WDPCP: variants seen among roughly 807,000 people sequenced by gnomAD.
WDPCP encodes the protein WD repeat containing planar cell polarity effector, also known as WD repeat-containing and planar cell polarity effector protein fritz homolog.
In WDPCP, 71 loss-of-function variants were observed where a neutral mutation model predicts 93.1. The ratio of observed to expected loss-of-function variants is 0.76; its 90% confidence interval spans 0.63 to 0.93. The LOEUF is 0.93. Among genes scored for constraint, WDPCP ranks in the 40% least tolerant of loss-of-function variants. The pLI is 0.00. For missense variants in WDPCP, 844 were observed against 887.4 expected, an observed-to-expected ratio of 0.95 and a Z score of 0.62; for synonymous variants, 315 against 315.0, an observed-to-expected ratio of 1.00 and a Z score of 0.00.
At chr2:63,185,105 T>C (rs1328206006) in intron 14 of WDPCP, among the ~76,000 whole-genome samples, 1 of 152,232 alleles carries the variant, frequency 6.6e-6, no homozygotes, top group Non-Finnish European at 1.5e-5. Flanking sequence ...CGTGATAAAT[T>C]TCTCATTCAT....
At chr2:63,236,022 T>C (rs748504648) in intron 14 of WDPCP, among the ~76,000 whole-genome samples, 7 of 152,080 alleles carry the variant, frequency 4.6e-5, no homozygotes, top group African/African-American at 7.2e-5. Flanking sequence ...ATCAAAGGCA[T>C]CCAAAAAGGA....
intron 12 of WDPCP, among the ~76,000 whole-genome samples, chr2:63,322,684 C>A (rs1687211788): frequency 6.6e-6 from 1 of 152,112 alleles, no homozygotes; most frequent in Non-Finnish European, 1.5e-5. Flanking sequence ...TCTTTAAGAA[C>A]TGTAACACTC....
At chr2:63,189,455 T>C (rs1246471652) in intron 14 of WDPCP, among the ~76,000 whole-genome samples, 2 of 152,234 alleles carry the variant, frequency 1.3e-5, no homozygotes, top group East Asian at 3.8e-4. Context: ...AAGCTATTTT[T>C]ATGTATATGT....
chr2:63,434,071 G>A, intron 8 of WDPCP, 135 bp from the exon 9 acceptor site: 9 of 877,558 alleles, frequency 1.0e-5, no homozygotes, highest in Non-Finnish European at 1.6e-5. Flanking sequence ...TGCGTAAGAA[G>A]GTGTCAGAAT....
chr2:63,246,657 C>G (rs929624873), intron 14 of WDPCP, among the ~76,000 whole-genome samples: 4 of 152,180 alleles, frequency 2.6e-5, no homozygotes, highest in African/African-American at 7.2e-5. Flanking sequence ...TTGTGCGTGA[C>G]TGGCACAATC....
At chr2:63,198,099 C>T (rs1159270476) in intron 14 of WDPCP, among the ~76,000 whole-genome samples, 1 of 152,116 alleles carries the variant, frequency 6.6e-6, no homozygotes, top group African/African-American at 2.4e-5. Flanking sequence ...ATTTAAATCC[C>T]TCATCCTTCT....
chr2:63,121,206 T>A lies in WDPCP; in HGVS notation c.*800A>T, dbSNP rs1216800541. On this transcript the variant is annotated 3_prime_UTR_variant, in exon 18 of 18. Coordinates refer to ENST00000272321, the MANE Select transcript of WDPCP (RefSeq NM_015910.7). The stretch of plus-strand genomic sequence containing the variant: ...TCTCCAGAGGGAAACAGTATCTGTG[T>A]TCTAAGGGGCAGTCAGGGCAAATTA... 2.0e-5 allele frequency among the ~76,000 whole-genome samples: 3 copies of A among 151,934 alleles called. No homozygotes were observed. Among genetic ancestry groups the A allele is most frequent in the Admixed American group, 6.6e-5 (1 of 15,258 alleles).
intron 2 of WDPCP, among the ~76,000 whole-genome samples, chr2:63,719,989 T>G (rs989700324): frequency 1.3e-5 from 2 of 152,200 alleles, no homozygotes; most frequent in African/African-American, 4.8e-5. Context: ...AAACTATGAA[T>G]AGTGGTTGCC....
chr2:63,785,677 T>A (rs1670456102), intron 2 of WDPCP, among the ~76,000 whole-genome samples: 1 of 152,176 alleles, frequency 6.6e-6, no homozygotes, highest in African/African-American at 2.4e-5. Context: ...ATGCATGCAG[T>A]CTTCAACTTA....
intron 13 of WDPCP, among the ~76,000 whole-genome samples, chr2:63,277,533 T>C (rs1683181263): frequency 6.6e-6 from 1 of 152,162 alleles, no homozygotes; most frequent in Non-Finnish European, 1.5e-5. Context: ...AGGACTCCCA[T>C]AAATTTAAGG....
At chr2:63,329,252 C>G (rs1319401048) in intron 12 of WDPCP, among the ~76,000 whole-genome samples, 2 of 152,144 alleles carry the variant, frequency 1.3e-5, no homozygotes, top group East Asian at 3.9e-4. Flanking sequence ...ATGAGTCTGA[C>G]TTTAGATTTC....
intron 17 of WDPCP, among the ~76,000 whole-genome samples, chr2:63,136,823 G>C (rs1050788799): frequency 3.3e-5 from 5 of 152,066 alleles, no homozygotes; most frequent in Admixed American, 2.6e-4. Flanking sequence ...TTGATTTTCT[G>C]TTCCTGTATT....
At chr2:63,577,222 A>T (rs2106526635) in intron 1 of WDPCP, among the ~76,000 whole-genome samples, 1 of 152,302 alleles carries the variant, frequency 6.6e-6, no homozygotes, top group African/African-American at 2.4e-5. Context: ...TTATATTAGT[A>T]AGTCTATATC....
chr2:63,213,673 A>G (rs182545866), intron 14 of WDPCP, among the ~76,000 whole-genome samples: 4 of 152,338 alleles, frequency 2.6e-5, no homozygotes, highest in Admixed American at 1.3e-4. Flanking sequence ...CAAAAAATCA[A>G]TGAATCCAGG....
At chr2:63,128,592 T>A (rs1670077503) in intron 17 of WDPCP, among the ~76,000 whole-genome samples, 1 of 152,208 alleles carries the variant, frequency 6.6e-6, no homozygotes, top group Non-Finnish European at 1.5e-5. Context: ...CTCCAGAACT[T>A]TTTAATCATT....
chr2:63,384,842 ACT>A (rs1442776074), intron 10 of WDPCP, among the ~76,000 whole-genome samples: 2 of 152,088 alleles, frequency 1.3e-5, no homozygotes, highest in East Asian at 3.8e-4. Context: ...TTAGAATTAC[ACT>A]GACACCAAAA....
intron 9 of WDPCP, among the ~76,000 whole-genome samples, chr2:63,406,065 G>C (rs1330671536): frequency 6.6e-6 from 1 of 152,050 alleles, no homozygotes; most frequent in East Asian, 1.9e-4. Flanking sequence ...AATTTCATGT[G>C]AGTCAAACTA....
chr2:63,516,737 T>C (rs1218416047), intron 1 of WDPCP, among the ~76,000 whole-genome samples: 2 of 152,184 alleles, frequency 1.3e-5, no homozygotes, highest in Non-Finnish European at 2.9e-5. Flanking sequence ...CATTCTCAAA[T>C]ACCTGATGCA....
At chr2:63,174,633 C>G (rs1673659411) in intron 15 of WDPCP, 37 bp downstream of exon 15, 2 of 1,612,186 alleles carry the variant, frequency 1.2e-6, no homozygotes, top group Non-Finnish European at 1.7e-6. Flanking sequence ...ATACTAAATA[C>G]TTTATGGAGC....
Sources: gnomAD v4.1 joint callset for allele counts (sites outside exome capture counted in the v4.1 genomes callset) on GRCh38, gnomAD v4.1.1 for gene constraint, MANE v1.5 for transcripts, NCBI Gene and HGNC (gene_info 2026-07-23, HGNC 2026-07-21) for gene names.